Variants in TARS3 observed in about 807,000 individuals in gnomAD.
TARS3 encodes threonine--tRNA ligase 2, cytoplasmic.
Under a neutral mutation model 103.5 loss-of-function variants are expected in TARS3, and 94 were observed. The observed-to-expected ratio is 0.91, with a 90% CI of 0.77 to 1.08. TARS3 has a LOEUF of 1.08. Ranked by LOEUF, TARS3 falls within the 50% of genes least tolerant of loss-of-function variation. The probability of loss-of-function intolerance (pLI) is 0.00; values close to 1 mark genes in which losing one functional copy is unlikely to be tolerated. For synonymous variants in TARS3, 416 were observed against 355.4 expected (o/e 1.17, Z -1.92); for missense variants, 952 against 995.2 (o/e 0.96, Z 0.58).
intron 16 of TARS3, among the ~76,000 whole-genome samples, chr15:101,658,134 C>T (rs140111254): frequency 4.6e-5 from 7 of 152,288 alleles, no homozygotes; most frequent in African/African-American, 1.4e-4. Context: ...AATTGCACTC[C>T]TGGCATTTGT....
At chr15:101,677,184 G>C (rs1898061288) in intron 12 of TARS3, among the ~76,000 whole-genome samples, 1 of 152,192 alleles carries the variant, frequency 6.6e-6, no homozygotes, top group Non-Finnish European at 1.5e-5. Flanking sequence ...TTTATTTCTG[G>C]GAATGCCTGT....
intron 7 of TARS3, among the ~76,000 whole-genome samples, chr15:101,705,230 C>G (rs1899496157): frequency 1.3e-5 from 2 of 152,164 alleles, no homozygotes; most frequent in Admixed American, 1.3e-4. Flanking sequence ...TTCTTTTGGT[C>G]TCATCATGAG....
At chr15:101,719,119 C>G (rs1203510417) in intron 3 of TARS3, among the ~76,000 whole-genome samples, 1 of 152,236 alleles carries the variant, frequency 6.6e-6, no homozygotes, top group East Asian at 1.9e-4. Flanking sequence ...GGTGGGCTGA[C>G]ACAAGCACTA....
rs548938997 is a variant in TARS3, at chr15:101,710,603, A to C, written c.812+1277T>G. Among the ~76,000 whole-genome samples, 5 of 152,284 alleles carry C rather than the reference A, an allele frequency of 3.3e-5. No individual in the cohort carries two copies. In the East Asian group the frequency reaches 7.7e-4, roughly 24 times the overall value. On this transcript the variant is annotated intron_variant, in intron 5 of 18. Transcript: ENST00000335968. ...GCCATTGATTTGGGAAAAAACCCAC[A>C]CCTTTGAGATAAGAATTGTTGTAGG... is the stretch of plus-strand genomic sequence containing the variant.
intron 16 of TARS3, 138 bp from the exon 17 acceptor site, chr15:101,657,995 T>C: frequency 1.9e-6 from 1 of 539,054 alleles, no homozygotes; most frequent in Non-Finnish European, 3.1e-6. Context: ...GAAAACTAAA[T>C]TATATTAAAG....
chr15:101,694,995 G>C (rs1321378312), intron 10 of TARS3, among the ~76,000 whole-genome samples: 1 of 152,194 alleles, frequency 6.6e-6, no homozygotes, highest in Non-Finnish European at 1.5e-5. Context: ...AAGAGTTCTG[G>C]AGATGGACCA....
intron 10 of TARS3, among the ~76,000 whole-genome samples, chr15:101,696,612 A>C (rs1381483168): frequency 6.6e-6 from 1 of 152,204 alleles, no homozygotes; most frequent in Non-Finnish European, 1.5e-5. Flanking sequence ...ATAACTGAGA[A>C]ATAAAAATAA....
At chr15:101,670,591 C>G (rs1319972141) in intron 15 of TARS3, among the ~76,000 whole-genome samples, 1 of 152,178 alleles carries the variant, frequency 6.6e-6, no homozygotes, top group African/African-American at 2.4e-5. Flanking sequence ...AATGGTGCAG[C>G]TGCTCTGGAA....
chr15:101,709,515 C>A (rs1311710707), intron 5 of TARS3, among the ~76,000 whole-genome samples: 1 of 152,210 alleles, frequency 6.6e-6, no homozygotes, highest in African/African-American at 2.4e-5. Context: ...TCATAAGTAT[C>A]CCCATCCTCA....
intron 8 of TARS3, among the ~76,000 whole-genome samples, 166 bp from the exon 9 acceptor site, chr15:101,702,551 T>C (rs1404792676): frequency 6.6e-6 from 1 of 152,122 alleles, no homozygotes; most frequent in East Asian, 1.9e-4. Flanking sequence ...GGTTAGATCA[T>C]TTGAGCTCAG....
At chr15:101,666,691 G>A (rs1183425804) in intron 15 of TARS3, among the ~76,000 whole-genome samples, 1 of 151,948 alleles carries the variant, frequency 6.6e-6, no homozygotes, top group Non-Finnish European at 1.5e-5. Flanking sequence ...AGAAAATAAG[G>A]CAATTCATCT....
chr15:101,668,529 A>G (rs186761323), intron 15 of TARS3, among the ~76,000 whole-genome samples: 8 of 152,316 alleles, frequency 5.3e-5, no homozygotes, highest in African/African-American at 1.9e-4. Flanking sequence ...TACTGCAAGA[A>G]TTACCTAAGT....
chr15:101,707,117 C>T (rs139440684), intron 6 of TARS3, among the ~76,000 whole-genome samples: 21 of 152,018 alleles, frequency 1.4e-4, no homozygotes, highest in African/African-American at 4.1e-4. Context: ...AAATGCAAGT[C>T]AAAACAAAAC....
chr15:101,702,742 C>G (rs1313083647), intron 8 of TARS3, among the ~76,000 whole-genome samples: 1 of 152,192 alleles, frequency 6.6e-6, no homozygotes, highest in East Asian at 1.9e-4. Context: ...TGCACTCCAA[C>G]CTGGGTGACA....
At chr15:101,673,531 C>A (rs1307367415) in intron 13 of TARS3, among the ~76,000 whole-genome samples, 3 of 152,218 alleles carry the variant, frequency 2.0e-5, no homozygotes, top group African/African-American at 7.2e-5. Flanking sequence ...ATCACCATTT[C>A]ATGCTGGATC....
chr15:101,703,986 G>A, intron 7 of TARS3, 49 bp from the exon 8 acceptor site: 1 of 1,346,468 alleles, frequency 7.4e-7, no homozygotes, highest in Non-Finnish European at 1.1e-6. Context: ...CAGTGTTCTG[G>A]ACTATTCATT....
intron 10 of TARS3, among the ~76,000 whole-genome samples, chr15:101,699,174 C>T (rs538190332): frequency 7.2e-5 from 11 of 152,032 alleles, no homozygotes; most frequent in Non-Finnish European, 8.8e-5. Context: ...AAAAAACCAA[C>T]AGAAAAAACA....
At chr15:101,692,880 A>G (rs910402701) in intron 10 of TARS3, among the ~76,000 whole-genome samples, 1 of 152,170 alleles carries the variant, frequency 6.6e-6, no homozygotes, top group Admixed American at 6.5e-5. Flanking sequence ...GAGGCCTGCC[A>G]TGTTCACAAA....
intron 15 of TARS3, among the ~76,000 whole-genome samples, chr15:101,667,885 C>T (rs1045182969): frequency 2.0e-5 from 3 of 152,190 alleles, no homozygotes; most frequent in African/African-American, 7.2e-5. Context: ...TGAGCCACTG[C>T]ACCTGGCCCT....
Sources: gnomAD v4.1 joint callset for allele counts (sites outside exome capture counted in the v4.1 genomes callset) on GRCh38, gnomAD v4.1.1 for gene constraint, MANE v1.5 for transcripts, NCBI Gene and HGNC (gene_info 2026-07-23, HGNC 2026-07-21) for gene names.